NRXN3: variants seen among roughly 807,000 people sequenced by gnomAD.
The protein encoded by NRXN3 is neurexin III.
Under a neutral mutation model 137.6 loss-of-function variants are expected in NRXN3, and 32 were observed. That is an observed-to-expected ratio of 0.23 (90% CI 0.18 to 0.31). The LOEUF (loss-of-function observed/expected upper bound fraction) is 0.31, where lower values mean the gene tolerates loss of function less well. NRXN3 is among the 10% of genes least tolerant of loss of function. The probability of loss-of-function intolerance (pLI) is 1.00; values close to 1 mark genes in which losing one functional copy is unlikely to be tolerated. For missense variants in NRXN3, 1,574 were observed against 2,062.5 expected (o/e 0.76, Z 4.59); for synonymous variants, 798 against 784.5 (o/e 1.02, Z -0.29).
In NRXN3 at chr14:78,403,896, C is replaced by T. The variant is rs1006174048; in HGVS notation, c.757+106036C>T. On this transcript the variant is annotated intron_variant, in intron 4 of 20. Transcript: ENST00000335750. ...CTTGGCAGGTAAGTCTTTCGGCTCA[C>T]CTTTAAAAAGAAAAGATATGTGAGC... 7.1e-6 allele frequency: 7 copies of T among 985,144 alleles called. No individual in the cohort carries two copies. In the East Asian group the frequency reaches 3.4e-4, roughly 48 times the overall value. The allele number at this position is 985,144 out of a possible 1,614,324, so 61.0% of individuals were successfully genotyped here.
chr14:78,198,206 C>G (rs745823592), intron 1 of NRXN3, among the ~76,000 whole-genome samples: 5 of 152,348 alleles, frequency 3.3e-5, no homozygotes, highest in South Asian at 2.1e-4. Context: ...GCCACAACCT[C>G]TTCTGAGAGA....
At chr14:79,732,372 TGTGA>T (rs924362948) in intron 19 of NRXN3, among the ~76,000 whole-genome samples, 28 of 152,270 alleles carry the variant, frequency 1.8e-4, no homozygotes, top group African/African-American at 5.8e-4. Context: ...TTCTTGTGTG[TGTGA>T]GTAAGAAGGA....
chr14:78,713,569 T>G (rs2098418907), intron 7 of NRXN3, among the ~76,000 whole-genome samples: 1 of 152,224 alleles, frequency 6.6e-6, no homozygotes, highest in Non-Finnish European at 1.5e-5. Flanking sequence ...GGTTACTTAT[T>G]GTATTAGTCT....
At chr14:79,529,525 T>C (rs2097151324) in intron 16 of NRXN3, among the ~76,000 whole-genome samples, 1 of 152,188 alleles carries the variant, frequency 6.6e-6, no homozygotes, top group South Asian at 2.1e-4. Flanking sequence ...TCACCACATA[T>C]GTGAGAAAAG....
chr14:78,645,492 G>T (rs1011115288), intron 5 of NRXN3, 71 bp downstream of exon 5: 2 of 1,353,504 alleles, frequency 1.5e-6, no homozygotes, highest in Admixed American at 4.6e-5. Flanking sequence ...TGTGAAGCAG[G>T]TGATGGGTGT....
intron 10 of NRXN3, among the ~76,000 whole-genome samples, chr14:78,905,477 C>G (rs2099212973): frequency 6.6e-6 from 1 of 151,178 alleles, no homozygotes; most frequent in African/African-American, 2.4e-5. Flanking sequence ...GAATAAAAGT[C>G]TAACTGTTTG....
chr14:78,336,486 T>A (rs2153576834), intron 4 of NRXN3, among the ~76,000 whole-genome samples: 1 of 152,222 alleles, frequency 6.6e-6, no homozygotes, highest in South Asian at 2.1e-4. Flanking sequence ...AACAGGGGAT[T>A]AAGGTCAAGA....
chr14:78,997,741 C>A (rs1270970843), intron 15 of NRXN3, among the ~76,000 whole-genome samples: 1 of 152,222 alleles, frequency 6.6e-6, no homozygotes, highest in Non-Finnish European at 1.5e-5. Context: ...AAGTAACCAA[C>A]ACCAGTTAAG....
chr14:79,806,122 T>C (rs1027563758), intron 20 of NRXN3, among the ~76,000 whole-genome samples: 4 of 152,148 alleles, frequency 2.6e-5, no homozygotes, highest in Non-Finnish European at 5.9e-5. Context: ...ATAGCTGGAG[T>C]TGGGCCAGGA....
intron 2 of NRXN3, among the ~76,000 whole-genome samples, chr14:78,268,244 C>T (rs2072121001): frequency 6.6e-6 from 1 of 151,638 alleles, no homozygotes; most frequent in Admixed American, 6.6e-5. Context: ...ACTTGGTGTG[C>T]TCTAAATTTA....
At chr14:79,229,958 G>A (rs1312454544) in intron 15 of NRXN3, among the ~76,000 whole-genome samples, 1 of 152,096 alleles carries the variant, frequency 6.6e-6, no homozygotes, top group Non-Finnish European at 1.5e-5. Context: ...GACCCTGTGA[G>A]GAAACATCTT....
At chr14:78,369,858 G>A (rs991012394) in intron 4 of NRXN3, among the ~76,000 whole-genome samples, 4 of 149,682 alleles carry the variant, frequency 2.7e-5, no homozygotes, top group Admixed American at 2.0e-4. Context: ...TGGAAAAAGT[G>A]AAACTCAATA....
chr14:79,345,239 T>G (rs1263121190), intron 15 of NRXN3, among the ~76,000 whole-genome samples: 1 of 152,166 alleles, frequency 6.6e-6, no homozygotes, highest in Non-Finnish European at 1.5e-5. Context: ...TTGAACACCC[T>G]TTCGTGTTTC....
intron 15 of NRXN3, among the ~76,000 whole-genome samples, chr14:79,151,852 A>G (rs184348361): frequency 1.2e-3 from 179 of 152,146 alleles, no homozygotes; most frequent in Middle Eastern, 6.8e-3. Context: ...TAATTTTCTA[A>G]TTTGCAATTT....
At chr14:79,592,315 G>T (rs2153822371) in intron 16 of NRXN3, among the ~76,000 whole-genome samples, 1 of 152,236 alleles carries the variant, frequency 6.6e-6, no homozygotes, top group East Asian at 1.9e-4. Flanking sequence ...GGACATTGTG[G>T]TTTGCTACCT....
At chr14:78,827,554 C>T (rs2098970405) in intron 10 of NRXN3, among the ~76,000 whole-genome samples, 1 of 152,192 alleles carries the variant, frequency 6.6e-6, no homozygotes, top group Non-Finnish European at 1.5e-5. Context: ...TCAAGTTAAT[C>T]AGTGAAAGTG....
At chr14:78,456,047 A>G (rs1460678343) in intron 4 of NRXN3, among the ~76,000 whole-genome samples, 1 of 152,232 alleles carries the variant, frequency 6.6e-6, no homozygotes, top group East Asian at 1.9e-4. Flanking sequence ...AGCACGCCTC[A>G]GGGCCCCTGT....
At chr14:79,086,445 C>G (rs557539452) in intron 15 of NRXN3, among the ~76,000 whole-genome samples, 1 of 152,250 alleles carries the variant, frequency 6.6e-6, no homozygotes, top group African/African-American at 2.4e-5. Context: ...GCTCTAGAAA[C>G]TATATGCTGG....
intron 14 of NRXN3, among the ~76,000 whole-genome samples, chr14:78,973,908 G>A (rs959374186): frequency 2.0e-5 from 3 of 152,188 alleles, no homozygotes; most frequent in Non-Finnish European, 4.4e-5. Context: ...TGACTTTGCT[G>A]TGACTTTCTT....
Sources: allele counts gnomAD v4.1 joint callset (sites outside exome capture counted in the v4.1 genomes callset), GRCh38; gene constraint gnomAD v4.1.1; transcripts MANE v1.5; gene names NCBI Gene and HGNC (gene_info 2026-07-23, HGNC 2026-07-21).